Variants in CTDP1 observed in about 807,000 individuals in gnomAD.
CTDP1 encodes the protein RNA polymerase II subunit A C-terminal domain phosphatase.
CTDP1 carries 47 observed loss-of-function variants against 91.8 expected under a neutral mutation model. The ratio of observed to expected loss-of-function variants is 0.51; its 90% CI spans 0.41 to 0.65. The LOEUF is 0.65. CTDP1 is among the 30% of genes least tolerant of loss of function. CTDP1 has a pLI of 0.00. For missense variants in CTDP1, 1,272 were observed against 1,373.7 expected (o/e 0.93, Z 1.17); for synonymous variants, 656 against 598.5 (o/e 1.10, Z -1.40).
At chr18:79,716,542 C>G (rs2086212301) in intron 8 of CTDP1, among the ~76,000 whole-genome samples, 1 of 152,200 alleles carries the variant, frequency 6.6e-6, no homozygotes, top group Non-Finnish European at 1.5e-5. Flanking sequence ...GGCAGTCAGA[C>G]CCTTCTCTCC....
intron 8 of CTDP1, among the ~76,000 whole-genome samples, chr18:79,716,672 G>A (rs1461803587): frequency 1.3e-5 from 2 of 152,336 alleles, no homozygotes; most frequent in East Asian, 3.9e-4. Flanking sequence ...GGCCAGGCCA[G>A]GGTCCTCCTT....
chr18:79,743,536 A>AAG (rs2086822266), intron 12 of CTDP1, among the ~76,000 whole-genome samples: 1 of 150,922 alleles, frequency 6.6e-6, no homozygotes, highest in African/African-American at 2.4e-5. Context: ...CAAAAAAAAA[A>AAG]AAAAAAAACA....
At chr18:79,685,995 C>T (rs1291020692) in intron 1 of CTDP1, among the ~76,000 whole-genome samples, 1 of 152,138 alleles carries the variant, frequency 6.6e-6, no homozygotes, top group East Asian at 1.9e-4. Flanking sequence ...CTTTGTCAGC[C>T]CATTAAACGT....
chr18:79,738,169 C>T (rs1404453176), intron 12 of CTDP1, among the ~76,000 whole-genome samples: 1 of 152,232 alleles, frequency 6.6e-6, no homozygotes, highest in African/African-American at 2.4e-5. Flanking sequence ...AGTCAGCGGG[C>T]TGCGTAACCC....
At chr18:79,682,417 C>T (rs988350319) in intron 1 of CTDP1, among the ~76,000 whole-genome samples, 7 of 152,176 alleles carry the variant, frequency 4.6e-5, no homozygotes, top group Admixed American at 4.6e-4. Flanking sequence ...TGACGTCTCT[C>T]CATAGAGAGT....
At chr18:79,731,731 A>G (rs1423316354) in intron 11 of CTDP1, among the ~76,000 whole-genome samples, 4 of 152,220 alleles carry the variant, frequency 2.6e-5, no homozygotes, top group African/African-American at 9.6e-5. Context: ...TTAACGTTGT[A>G]ATTTTATCTT....
intron 11 of CTDP1, chr18:79,735,763 C>G (rs1902322154): frequency 6.3e-6 from 1 of 157,762 alleles, no homozygotes; most frequent in Non-Finnish European, 1.4e-5. Context: ...TGTTGCCACT[C>G]CCGTCCGCGT....
At chr18:79,734,482 C>T (rs552736282) in intron 11 of CTDP1, among the ~76,000 whole-genome samples, 32 of 152,362 alleles carry the variant, frequency 2.1e-4, no homozygotes, top group Admixed American at 2.0e-3. Flanking sequence ...CTGTGCAAAA[C>T]GTACCTCCAG....
chr18:79,741,641 C>G lies in CTDP1; in HGVS notation c.2747+5120C>G, dbSNP rs548496389. ...GTTTTAAAGGCTTAGTTTCCTGACA[C>G]GAGTACCCAGATCCCAACACTCAGC... On this transcript the variant is annotated intron_variant, in intron 12 of 12. Coordinates refer to ENST00000613122, the MANE Select transcript of CTDP1 (RefSeq NM_004715.5). Among the ~76,000 whole-genome samples, 6 of 152,322 alleles carry G rather than the reference C, an allele frequency of 3.9e-5. No homozygotes were observed. In the South Asian group the frequency reaches 1.0e-3, roughly 26 times the overall value.
intron 10 of CTDP1, among the ~76,000 whole-genome samples, chr18:79,722,847 G>C (rs573866729): frequency 6.6e-6 from 1 of 152,232 alleles, no homozygotes; most frequent in Non-Finnish European, 1.5e-5. Context: ...CGGGGCCTTC[G>C]TGCTGCGGTG....
chr18:79,677,827 G>C (rs184308351), upstream of CTDP1: 1 of 152,314 alleles, frequency 6.6e-6, no homozygotes, highest in Non-Finnish European at 1.5e-5. Context: ...GGGTTCATGG[G>C]AATTCTTCAC....
chr18:79,689,093 T>TC (rs1254663513), intron 1 of CTDP1, among the ~76,000 whole-genome samples: 1 of 152,190 alleles, frequency 6.6e-6, no homozygotes, highest in Non-Finnish European at 1.5e-5. Context: ...CCTAATAAAG[T>TC]CCTTTGTAAC....
At chr18:79,736,919 C>T (rs999708270) in intron 12 of CTDP1, among the ~76,000 whole-genome samples, 5 of 150,544 alleles carry the variant, frequency 3.3e-5, no homozygotes, top group African/African-American at 7.3e-5. Flanking sequence ...GGGGTCTGCA[C>T]GTGTGCACGC....
At chr18:79,733,326 G>A (rs1320237283) in intron 11 of CTDP1, among the ~76,000 whole-genome samples, 1 of 152,218 alleles carries the variant, frequency 6.6e-6, no homozygotes, top group Non-Finnish European at 1.5e-5. Context: ...GCCTGTCTCA[G>A]CCAGCTCACA....
chr18:79,683,504 T>G (rs886161607), intron 1 of CTDP1, among the ~76,000 whole-genome samples: 3 of 152,156 alleles, frequency 2.0e-5, no homozygotes, highest in African/African-American at 7.2e-5. Flanking sequence ...GAGGTCCCTT[T>G]TAACAGGGAC....
In CTDP1 at chr18:79,680,249, T is replaced by C; in HGVS notation, c.302T>C (p.Val101Ala). ...VRELCAQPGQ[V>A]VAPGAVLVRL... ...GAGCTGTGCGCGCAGCCGGGCCAGG[T>C]GGTCGCCCCAGGGTGAGTGTGCTGA... Residue 101 changes from valine to alanine, a missense_variant, in exon 1 of 13, where the codon GTG becomes GCG. Coordinates refer to ENST00000613122, the MANE Select transcript of CTDP1 (RefSeq NM_004715.5). 1 of 1,301,050 alleles carries C rather than the reference T, an allele frequency of 7.7e-7. No individual in the cohort carries two copies. The highest frequency in any genetic ancestry group is 9.7e-7 in the Non-Finnish European group (1 of 1,029,278). 80.6% of individuals were successfully genotyped at this position (1,301,050 alleles called of 1,614,324 possible).
chr18:79,679,733 G>T, upstream of CTDP1: 1 of 516,730 alleles, frequency 1.9e-6, no homozygotes, highest in South Asian at 1.9e-5. Flanking sequence ...GGCCCCGCGC[G>T]GCGCTCGTAT....
intron 12 of CTDP1, among the ~76,000 whole-genome samples, chr18:79,751,025 C>T (rs1338191882): frequency 1.3e-4 from 12 of 91,158 alleles, no homozygotes; most frequent in South Asian, 4.3e-4. Flanking sequence ...AGGCACTGGG[C>T]GCCGAGGGCA....
chr18:79,678,675 A>G (rs1024075533), upstream of CTDP1: 1 of 152,232 alleles, frequency 6.6e-6, no homozygotes, highest in African/African-American at 2.4e-5. Flanking sequence ...AATACAGGAT[A>G]ATCTCAATTG....
Sources: gnomAD v4.1 joint callset for allele counts (sites outside exome capture counted in the v4.1 genomes callset) on GRCh38, gnomAD v4.1.1 for gene constraint, MANE v1.5 for transcripts, NCBI Gene and HGNC (gene_info 2026-07-23, HGNC 2026-07-21) for gene names.